LIPA: variants seen among roughly 807,000 people sequenced by gnomAD.
LIPA encodes lipase A, lysosomal acid type, also known as lysosomal acid lipase/cholesteryl ester hydrolase.
In LIPA, 26 loss-of-function variants were observed where a neutral mutation model predicts 40.6. The ratio of observed to expected loss-of-function variants is 0.64; its 90% CI spans 0.47 to 0.89. The LOEUF is 0.89. Ranked by LOEUF, LIPA falls within the 40% of genes least tolerant of loss-of-function variation. The pLI is 0.00. For missense variants in LIPA, 455 were observed against 479.6 expected, an observed-to-expected ratio of 0.95 and a Z score of 0.48; for synonymous variants, 188 against 168.4, an observed-to-expected ratio of 1.12 and a Z score of -0.90.
chr10:89,387,036 G>T (rs986876593), intron 2 of LIPA, among the ~76,000 whole-genome samples: 2 of 151,890 alleles, frequency 1.3e-5, no homozygotes, highest in Non-Finnish European at 2.9e-5. Context: ...ACTATTTTAG[G>T]CTGGGCGCCG....
chr10:89,413,318 T>G (rs1841492119), intron 1 of LIPA, among the ~76,000 whole-genome samples: 1 of 152,156 alleles, frequency 6.6e-6, no homozygotes, highest in Non-Finnish European at 1.5e-5. Context: ...GCAGTTTCTG[T>G]ATAAGACAGT....
chr10:89,240,456 TATTC>T (rs1367014369), intron 3 of LIPA, among the ~76,000 whole-genome samples: 27 of 152,354 alleles, frequency 1.8e-4, no homozygotes, highest in Admixed American at 3.3e-4. Context: ...TTTATGTATT[TATTC>T]ATTAATATTT....
chr10:89,405,352 T>G (rs981174595), intron 2 of LIPA: 1 of 152,240 alleles, frequency 6.6e-6, no homozygotes, highest in Non-Finnish European at 1.5e-5. Context: ...AATCATATTT[T>G]ATTGAAAGGC....
intron 2 of LIPA, among the ~76,000 whole-genome samples, chr10:89,350,078 G>T (rs193086222): frequency 8.5e-5 from 13 of 152,188 alleles, no homozygotes; most frequent in African/African-American, 3.1e-4. Flanking sequence ...ACCCCTCAAA[G>T]TTCAAAGTTC....
At chr10:89,332,003 C>T (rs920624936) in intron 1 of LIPA, among the ~76,000 whole-genome samples, 2 of 151,860 alleles carry the variant, frequency 1.3e-5, no homozygotes, top group African/African-American at 4.8e-5. Context: ...GAGGCCAAGG[C>T]GGGCAGATCA....
intron 2 of LIPA, among the ~76,000 whole-genome samples, chr10:89,380,492 G>A (rs1029481285): frequency 3.3e-5 from 5 of 150,548 alleles, no homozygotes; most frequent in Non-Finnish European, 7.4e-5. Context: ...CTGGAGTGCA[G>A]TGGCATGATC....
At chr10:89,310,404 C>T (rs930607531) in intron 1 of LIPA, among the ~76,000 whole-genome samples, 20 of 152,176 alleles carry the variant, frequency 1.3e-4, no homozygotes, top group Non-Finnish European at 8.8e-5. Flanking sequence ...GATTATAACA[C>T]AGATAGGCCT....
At chr10:89,218,339 C>CA (rs1323478497) in intron 8 of LIPA, among the ~76,000 whole-genome samples, 1 of 152,060 alleles carries the variant, frequency 6.6e-6, no homozygotes. Context: ...ACTATCACTG[C>CA]AAAAAACAAA....
At chr10:89,272,047 G>C (rs1843268380) in intron 1 of LIPA, among the ~76,000 whole-genome samples, 1 of 152,058 alleles carries the variant, frequency 6.6e-6, no homozygotes, top group African/African-American at 2.4e-5. Flanking sequence ...TCCAGCCTGG[G>C]CACACAGAGT....
intron 1 of LIPA, among the ~76,000 whole-genome samples, chr10:89,281,655 CCAAA>C (rs1321092445): frequency 1.3e-5 from 2 of 152,198 alleles, no homozygotes; most frequent in Non-Finnish European, 2.9e-5. Context: ...ATTCCAGAAA[CCAAA>C]CAAACACTTC....
At chr10:89,312,909 G>A (rs1390208783) in intron 1 of LIPA, among the ~76,000 whole-genome samples, 1 of 152,054 alleles carries the variant, frequency 6.6e-6, no homozygotes, top group Non-Finnish European at 1.5e-5. Flanking sequence ...CTGCAGGAAT[G>A]AGAGCAAATT....
intron 2 of LIPA, chr10:89,383,482 C>T: frequency 1.2e-6 from 2 of 1,614,166 alleles, no homozygotes; most frequent in Non-Finnish European, 1.7e-6. Flanking sequence ...AATACACAAC[C>T]TACTAGCCTA....
chr10:89,366,216 GTGAATGGGAGTTCACTCA>G (rs1390921881), intron 2 of LIPA, among the ~76,000 whole-genome samples: 54 of 152,144 alleles, frequency 3.5e-4, no homozygotes, highest in African/African-American at 1.2e-3. Context: ...TGAAGCAGTT[GTGAATGGGAGTTCACTCA>G]TGATTTGGCT....
upstream of LIPA, among the ~76,000 whole-genome samples, chr10:89,253,793 G>C (rs925178419): frequency 6.6e-6 from 1 of 152,250 alleles, no homozygotes; most frequent in Admixed American, 6.5e-5. Context: ...TACAGGCATT[G>C]GATAAATACA....
intron 2 of LIPA, among the ~76,000 whole-genome samples, chr10:89,367,049 A>G (rs1410117100): frequency 6.6e-6 from 1 of 152,206 alleles, no homozygotes; most frequent in East Asian, 1.9e-4. Context: ...GCTGGAAGCC[A>G]TCATTTTCAG....
chr10:89,335,245 A>G (rs904174786), intron 1 of LIPA: 2 of 152,180 alleles, frequency 1.3e-5, no homozygotes, highest in African/African-American at 2.4e-5. Flanking sequence ...TCCTGAATAA[A>G]TTGTTCCATG....
At chr10:89,220,745 A>G (rs1455947308) in intron 8 of LIPA, among the ~76,000 whole-genome samples, 1 of 152,106 alleles carries the variant, frequency 6.6e-6, no homozygotes, top group Non-Finnish European at 1.5e-5. Flanking sequence ...GGGAAAGGAG[A>G]ACTATAGCAC....
chr10:89,312,989 C>T (rs1275201621), intron 1 of LIPA, among the ~76,000 whole-genome samples: 1 of 152,052 alleles, frequency 6.6e-6, no homozygotes. Flanking sequence ...ACCTAGAATA[C>T]ACTCTAGCTT....
Position 89,392,474 on chromosome 10 carries a change from C to A in LIPA, c.61+20317G>T, listed in dbSNP as rs747489808. 29 of 229,420 alleles carry A rather than the reference C, an allele frequency of 1.3e-4. 4 individuals carry two copies. The highest frequency in any genetic ancestry group is 2.0e-4 in the Non-Finnish European group (25 of 126,130). 14.2% of individuals were successfully genotyped at this position (229,420 alleles called of 1,614,324 possible). ...TAGAAACAAAGTTTCATTCCCCACC[C>A]CCCCCCGTCAGCAGGAATTCCGCTA... is the stretch of plus-strand genomic sequence containing the variant. On this transcript the variant is annotated intron_variant, in intron 2 of 8. Transcript: ENST00000371837.
Sources: allele counts gnomAD v4.1 joint callset (sites outside exome capture counted in the v4.1 genomes callset), GRCh38; gene constraint gnomAD v4.1.1; transcripts MANE v1.5; gene names NCBI Gene and HGNC (gene_info 2026-07-23, HGNC 2026-07-21).